The following DOCK7 variants were observed in gnomAD, a reference collection of about 807,000 sequenced individuals.
DOCK7 encodes dedicator of cytokinesis protein 7.
A neutral mutation model predicts 271.0 loss-of-function variants in DOCK7; 138 were observed. The ratio of observed to expected loss-of-function variants is 0.51; its 90% CI spans 0.44 to 0.59. DOCK7 has a LOEUF of 0.59. DOCK7 is among the 20% of genes least tolerant of loss of function. The pLI is 0.00. For missense variants in DOCK7, 2,066 were observed against 2,592.4 expected (o/e 0.80, Z 4.41); for synonymous variants, 823 against 876.1 (o/e 0.94, Z 1.07).
chr1:62,489,403 C>A (rs1201707996), intron 41 of DOCK7, among the ~76,000 whole-genome samples: 2 of 152,198 alleles, frequency 1.3e-5, no homozygotes, highest in African/African-American at 4.8e-5. Context: ...GAGCTGAGAC[C>A]GCGCCACTGC....
chr1:62,485,318 A>C (rs1646261022), intron 43 of DOCK7: 1 of 985,346 alleles, frequency 1.0e-6, no homozygotes, highest in South Asian at 4.7e-5. Context: ...ACTTTACTGA[A>C]ATACTAAGTT....
intron 41 of DOCK7, 77 bp from the exon 42 acceptor site, chr1:62,489,142 A>T (rs1472780899): frequency 7.3e-7 from 1 of 1,362,054 alleles, no homozygotes; most frequent in Non-Finnish European, 9.9e-7. Flanking sequence ...TGAATTCGCA[A>T]TATTTCTATT....
chr1:62,664,782 TAA>T (rs10710205), intron 1 of DOCK7, among the ~76,000 whole-genome samples: 182 of 137,198 alleles, frequency 1.3e-3, no homozygotes, highest in Middle Eastern at 3.6e-3. Context: ...TCTACTAGTT[TAA>T]AAAAAAAAAA....
chr1:62,504,046 C>CAAAA (rs11297853), intron 37 of DOCK7, among the ~76,000 whole-genome samples: 1 of 120,528 alleles, frequency 8.3e-6, no homozygotes, highest in African/African-American at 3.3e-5. Flanking sequence ...GACTCCGTCT[C>CAAAA]AAAAAAAAAA....
chr1:62,635,453 C>T (rs572407062), intron 8 of DOCK7: 12 of 151,984 alleles, frequency 7.9e-5, no homozygotes, highest in Admixed American at 7.9e-4. Flanking sequence ...AGGGGAATCG[C>T]TTGAACCTGG....
chr1:62,586,580 C>A lies in DOCK7; in HGVS notation c.1727G>T (p.Arg576Leu). Residue 576 changes from arginine to leucine, a missense_variant, in exon 15 of 50, where the codon CGT becomes CTT. Physicochemically the swap from Arg to Leu is moderately radical, Grantham distance 102. Around this residue, in one of 2 missense-constraint regions of DOCK7, gnomAD observed 1,414 missense variants for 1,670.4 expected, o/e 0.85. Transcript: ENST00000635253. ...IYPQSLNFAN[R>L]QGSARNITVK... is the part of the protein sequence containing the mutation. Reference sequence around the variant, plus strand: ...TGTTATATTTCTAGCAGAACCTTGACGATTGGCAAAATTAAGACTCTGAGG... The same window carrying A: ...TGTTATATTTCTAGCAGAACCTTGAAGATTGGCAAAATTAAGACTCTGAGG... 6.2e-7 allele frequency: 1 copy of A among 1,612,746 alleles called. No homozygotes were observed. The highest frequency in any genetic ancestry group is 2.2e-5 in the East Asian group (1 of 44,752).
At chr1:62,654,540 C>T (rs1443641290) in intron 2 of DOCK7, among the ~76,000 whole-genome samples, 1 of 152,006 alleles carries the variant, frequency 6.6e-6, no homozygotes, top group Admixed American at 6.6e-5. Context: ...AAACAGTGCT[C>T]TTACTTTATT....
intron 20 of DOCK7, 86 bp downstream of exon 20, chr1:62,558,903 T>A: frequency 2.6e-6 from 3 of 1,144,848 alleles, no homozygotes; most frequent in Non-Finnish European, 3.7e-6. Flanking sequence ...ATATAGCAAA[T>A]AGAAATCATG....
At chr1:62,642,499 T>C (rs1656160315) in intron 7 of DOCK7, among the ~76,000 whole-genome samples, 1 of 152,232 alleles carries the variant, frequency 6.6e-6, no homozygotes. Context: ...CCTTTGCCTA[T>C]AATTTACATT....
At chr1:62,610,243 G>A (rs1651594071) in intron 14 of DOCK7, among the ~76,000 whole-genome samples, 1 of 152,136 alleles carries the variant, frequency 6.6e-6, no homozygotes, top group Non-Finnish European at 1.5e-5. Context: ...AGCAGAGTAT[G>A]TGGCAGTAGC....
At chr1:62,568,179 A>C (rs965919857) in intron 18 of DOCK7, among the ~76,000 whole-genome samples, 1 of 152,242 alleles carries the variant, frequency 6.6e-6, no homozygotes, top group Admixed American at 6.5e-5. Context: ...TAGGGCAGAA[A>C]TCAAGAAGTT....
intron 16 of DOCK7, among the ~76,000 whole-genome samples, chr1:62,579,374 T>C (rs1647041406): frequency 6.6e-6 from 1 of 152,238 alleles, no homozygotes; most frequent in East Asian, 1.9e-4. Context: ...TTAAAACTAA[T>C]GTTTATCATC....
At chr1:62,596,009 T>G (rs1649185413) in intron 14 of DOCK7, among the ~76,000 whole-genome samples, 1 of 152,158 alleles carries the variant, frequency 6.6e-6, no homozygotes, top group African/African-American at 2.4e-5. Flanking sequence ...ATGATAAAAC[T>G]TTTCCCTGTG....
At chr1:62,535,940 A>G (rs543817152) in intron 28 of DOCK7, among the ~76,000 whole-genome samples, 62 of 152,246 alleles carry the variant, frequency 4.1e-4, no homozygotes, top group Non-Finnish European at 7.1e-4. Context: ...CCACACTCTG[A>G]TGGAAAAAAG....
At chr1:62,632,249 A>C (rs1019539091) in intron 10 of DOCK7, among the ~76,000 whole-genome samples, 5 of 152,208 alleles carry the variant, frequency 3.3e-5, no homozygotes, top group African/African-American at 1.2e-4. Flanking sequence ...TCTTATTTTA[A>C]GTATATTTCA....
chr1:62,536,305 G>T (rs930014063), intron 28 of DOCK7, among the ~76,000 whole-genome samples: 5 of 152,056 alleles, frequency 3.3e-5, no homozygotes, highest in Admixed American at 3.3e-4. Context: ...TTATCTGAAA[G>T]AATCTGAAAA....
chr1:62,584,215 G>A (rs896622590), intron 15 of DOCK7: 1 of 983,244 alleles, frequency 1.0e-6, no homozygotes, highest in Non-Finnish European at 1.2e-6. Context: ...TTTCAAGCAG[G>A]CTCTTTTATT....
chr1:62,563,863 C>CAAAAAAAAAAA (rs71045848), intron 18 of DOCK7, among the ~76,000 whole-genome samples: 2 of 38,816 alleles, frequency 5.2e-5, no homozygotes, highest in African/African-American at 2.1e-4. Flanking sequence ...ATTTACCAAG[C>CAAAAAAAAAAA]AAAAAAAAAA....
At chr1:62,463,450 T>C (rs74076670) in intron 48 of DOCK7, among the ~76,000 whole-genome samples, 5,687 of 152,230 alleles carry the variant, frequency 0.037, 255 homozygotes, top group African/African-American at 0.11. Flanking sequence ...AGCAACACTA[T>C]TCTTAATTTT....
Sources: gnomAD v4.1 joint callset for allele counts (sites outside exome capture counted in the v4.1 genomes callset) on GRCh38, gnomAD v4.1.1 for gene constraint, gnomAD v4.1.1 regional missense constraint, MANE v1.5 for transcripts, NCBI Gene and HGNC (gene_info 2026-07-23, HGNC 2026-07-21) for gene names.